PTPN20: variants seen among roughly 807,000 people sequenced by gnomAD.
PTPN20 encodes protein tyrosine phosphatase non-receptor type 20.
PTPN20 carries 9 observed loss-of-function variants against 35.0 expected under a neutral mutation model. The observed-to-expected ratio is 0.26, with a 90% CI of 0.15 to 0.45. The LOEUF (loss-of-function observed/expected upper bound fraction) is 0.45, where lower values mean the gene tolerates loss of function less well. Ranked by LOEUF, PTPN20 falls within the 20% of genes least tolerant of loss-of-function variation. The pLI is 1.00. For missense variants in PTPN20, 111 were observed against 312.5 expected (o/e 0.36, Z 4.86); for synonymous variants, 32 against 100.2 (o/e 0.32, Z 4.06).
chr10:46,928,585 C>T (rs1173361454), intron 1 of PTPN20, among the ~76,000 whole-genome samples: 3 of 152,116 alleles, frequency 2.0e-5, no homozygotes, highest in Non-Finnish European at 4.4e-5. Context: ...CTCTGAGCCC[C>T]CAGTCCTATA....
intron 5 of PTPN20, chr10:46,947,693 T>C (rs1161819491): frequency 8.5e-6 from 3 of 352,514 alleles, no homozygotes; most frequent in African/African-American, 2.2e-5. Context: ...TTTCATTCTC[T>C]TTACTTTTGT....
intron 9 of PTPN20, among the ~76,000 whole-genome samples, chr10:46,997,108 T>C (rs890248523): frequency 1.3e-5 from 2 of 152,174 alleles, no homozygotes; most frequent in Non-Finnish European, 2.9e-5. Flanking sequence ...TCCATGAACA[T>C]GGTAAGTGTA....
rs1399756637 is a variant in PTPN20, at chr10:46,982,431, G to C, written c.584-1799G>C. 9.2e-5 allele frequency among the ~76,000 whole-genome samples: 14 copies of C among 151,726 alleles called. No homozygotes were observed. In the South Asian group the frequency reaches 2.7e-3, roughly 29 times the overall value. ...TTTTCTGCAGTGAATTCCACAGTTTGCTTCTGAAATTCGTTTTTTACATTC... is the reference window on the plus strand; with the variant it reads ...TTTTCTGCAGTGAATTCCACAGTTTCCTTCTGAAATTCGTTTTTTACATTC... On this transcript the variant is annotated intron_variant, in intron 7 of 10. Transcript: ENST00000374339.
chr10:46,970,968 G>T, intron 7 of PTPN20, among the ~76,000 whole-genome samples: 1 of 72,398 alleles, frequency 1.4e-5, no homozygotes, highest in Non-Finnish European at 2.3e-5. Flanking sequence ...CAAATTAAAT[G>T]CTTTAATTCC....
intron 2 of PTPN20, among the ~76,000 whole-genome samples, chr10:46,940,406 G>T (rs1319685916): frequency 2.0e-5 from 3 of 148,106 alleles, no homozygotes; most frequent in African/African-American, 7.7e-5. Flanking sequence ...ACTCCCTGAG[G>T]ATAATCCTAG....
intron 2 of PTPN20, among the ~76,000 whole-genome samples, chr10:46,939,942 C>T (rs2042923683): frequency 6.6e-6 from 1 of 152,230 alleles, no homozygotes; most frequent in Admixed American, 6.5e-5. Context: ...ATATGCCATG[C>T]CATAGAATTT....
intron 5 of PTPN20, among the ~76,000 whole-genome samples, chr10:46,957,625 GGAGGCT>G (rs1350507080): frequency 1.3e-5 from 2 of 151,504 alleles, no homozygotes; most frequent in African/African-American, 2.4e-5. Flanking sequence ...CAGCTACTTG[GGAGGCT>G]GAGGCTGAGG....
chr10:46,941,702 CTTGTTTGT>C (rs1176446153), intron 3 of PTPN20, among the ~76,000 whole-genome samples: 3 of 150,294 alleles, frequency 2.0e-5, no homozygotes, highest in South Asian at 2.1e-4. Flanking sequence ...TTTTTTTTTG[CTTGTTTGT>C]TTGTTTGTTT....
At chr10:46,980,310 A>G (rs1398926927) in intron 7 of PTPN20, among the ~76,000 whole-genome samples, 2 of 65,570 alleles carry the variant, frequency 3.1e-5, no homozygotes, top group Admixed American at 1.7e-4. Context: ...GCCCAAAACA[A>G]GAGAAGGCTC....
At chr10:46,983,979 T>C (rs1290885830) in intron 7 of PTPN20, among the ~76,000 whole-genome samples, 2 of 151,622 alleles carry the variant, frequency 1.3e-5, no homozygotes, top group Non-Finnish European at 2.9e-5. Context: ...ATGATATCAT[T>C]CTGCATTTAT....
In PTPN20 at chr10:47,001,032, A is replaced by G. The variant is rs2059979619; in HGVS notation, c.*291A>G. On this transcript the variant is annotated 3_prime_UTR_variant, in exon 11 of 11. Transcript: ENST00000374339. ...GCTTGGCTATTTGGTTGAAGGGATT[A>G]CAGAGCCCAATAAAGGATTTAAAAT... The G allele has an allele frequency of 2.1e-6, 1 of 479,418 alleles. No homozygotes were observed. Among genetic ancestry groups the G allele is most frequent in the Non-Finnish European group, 3.8e-6 (1 of 264,258 alleles). 29.7% of individuals were successfully genotyped at this position (479,418 alleles called of 1,614,324 possible).
At chr10:46,935,174 G>T (rs1195573544) in intron 2 of PTPN20, among the ~76,000 whole-genome samples, 2 of 146,786 alleles carry the variant, frequency 1.4e-5, no homozygotes, top group South Asian at 2.2e-4. Context: ...ACATAGGAAG[G>T]TTTGTTACAT....
intron 5 of PTPN20, among the ~76,000 whole-genome samples, chr10:46,952,134 TC>T (rs1258328921): frequency 7.9e-6 from 1 of 127,186 alleles, no homozygotes; most frequent in Non-Finnish European, 1.6e-5. Flanking sequence ...ATGTTCACCT[TC>T]CAGATCTGAC....
chr10:46,953,401 T>TCTTTC (rs2047427165), intron 5 of PTPN20, among the ~76,000 whole-genome samples: 3 of 144,514 alleles, frequency 2.1e-5, no homozygotes, highest in African/African-American at 5.7e-5. Context: ...CTTTCTTTTT[T>TCTTTC]TTTGACTTAC....
intron 9 of PTPN20, among the ~76,000 whole-genome samples, chr10:46,999,103 C>CA (rs2059654828): frequency 6.6e-6 from 1 of 152,000 alleles, no homozygotes; most frequent in Non-Finnish European, 1.5e-5. Flanking sequence ...CTCTAAAAAA[C>CA]TAAAAGTTTT....
At position 47,001,111 on chromosome 10, in the gene PTPN20, A is replaced by G. The variant is rs1426417715; in HGVS notation, c.*370A>G. On this transcript the variant is annotated 3_prime_UTR_variant, in exon 11 of 11. Coordinates refer to ENST00000374339, the MANE Select transcript of PTPN20 (RefSeq NM_001042357.5). ...TGGCTGGAGAGAGCTGAGGATTTCC[A>G]GGACTTTGTAAGTTCTTATTCTGGG... 3.2e-5 allele frequency: 9 copies of G among 278,990 alleles called. No homozygotes were observed. Among genetic ancestry groups the G allele is most frequent in the African/African-American group, 2.0e-4 (9 of 44,418 alleles). 17.3% of individuals were successfully genotyped at this position (278,990 alleles called of 1,614,324 possible).
At chr10:46,948,264 A>T (rs2045606994) in intron 5 of PTPN20, among the ~76,000 whole-genome samples, 1 of 151,800 alleles carries the variant, frequency 6.6e-6, no homozygotes, top group Non-Finnish European at 1.5e-5. Context: ...CATTTTTCAT[A>T]GAGCTTAACA....
At chr10:46,948,644 T>A (rs2045733812) in intron 5 of PTPN20, among the ~76,000 whole-genome samples, 1 of 151,752 alleles carries the variant, frequency 6.6e-6, no homozygotes, top group African/African-American at 2.4e-5. Context: ...TTATTTTTGG[T>A]CTCTTCCTGT....
chr10:46,955,049 A>G (rs1212911539), intron 5 of PTPN20: 6 of 151,298 alleles, frequency 4.0e-5, no homozygotes, highest in Non-Finnish European at 8.8e-5. Context: ...TTTGAGAGAG[A>G]GGGTGTGCTT....
Sources: gnomAD v4.1 joint callset for allele counts (sites outside exome capture counted in the v4.1 genomes callset) on GRCh38, gnomAD v4.1.1 for gene constraint, MANE v1.5 for transcripts, NCBI Gene and HGNC (gene_info 2026-07-23, HGNC 2026-07-21) for gene names.